Variants in DNAH17 observed in about 807,000 individuals in gnomAD.
The protein encoded by DNAH17 is axonemal beta dynein heavy chain 17.
DNAH17 carries 376 observed loss-of-function variants against 485.6 expected under a neutral mutation model. The observed-to-expected ratio is 0.77, with a 90% CI of 0.71 to 0.84. The LOEUF (loss-of-function observed/expected upper bound fraction) is 0.84. Ranked by LOEUF, DNAH17 falls within the 40% of genes least tolerant of loss-of-function variation. DNAH17 has a pLI of 0.00. For synonymous variants in DNAH17, 3,031 were observed against 2,405.9 expected (o/e 1.26, Z -7.60); for missense variants, 6,370 against 5,839.3 (o/e 1.09, Z -2.96).
chr17:78,451,624 G>A lies in DNAH17; in HGVS notation c.10579C>T (p.Leu3527=), dbSNP rs1353522129. The A allele has an allele frequency of 1.4e-5, 22 of 1,600,710 alleles. No individual in the cohort carries two copies. The highest frequency in any genetic ancestry group is 2.7e-5 in the African/African-American group (2 of 74,168). Reference sequence around the variant, plus strand: ...TTGAAGTACTTGGTGTGTAGGATCAGGCGGAACTTGGGGTGGTACTCCACC... The same window carrying A: ...TTGAAGTACTTGGTGTGTAGGATCAAGCGGAACTTGGGGTGGTACTCCACC... ...KEVEYHPKFR[L]ILHTKYFNPH... The change falls in exon 66 of 81, where the codon CTG becomes TTG. Residue 3527 remains leucine (L), a synonymous_variant. Coordinates refer to ENST00000389840, the MANE Select transcript of DNAH17 (RefSeq NM_173628.4).
intron 75 of DNAH17, among the ~76,000 whole-genome samples, chr17:78,430,656 C>T (rs1049058665): frequency 5.3e-5 from 8 of 152,008 alleles, no homozygotes; most frequent in Admixed American, 4.6e-4. Flanking sequence ...TCTCTGCTCA[C>T]TGAAACTTCT....
intron 16 of DNAH17, among the ~76,000 whole-genome samples, chr17:78,544,309 C>T (rs994635975): frequency 2.0e-5 from 3 of 152,226 alleles, no homozygotes; most frequent in African/African-American, 4.8e-5. Context: ...ATCTAATTCT[C>T]TCTTTAGGGG....
intron 58 of DNAH17, 41 bp from the exon 59 acceptor site, chr17:78,460,298 C>G (rs1010713945): frequency 3.5e-6 from 5 of 1,435,532 alleles, no homozygotes; most frequent in Non-Finnish European, 4.7e-6. Context: ...GCAGGCCTGT[C>G]CATGTGCCTG....
chr17:78,437,747 G>C lies in DNAH17; in HGVS notation c.11927C>G (p.Thr3976Ser). ...ISAEPAPSPE[T>S]HIIPQGILEN... ...CAGAATGCCCTGGGGGATGATGTGG[G>C]TCTCGGGGCTGGGGGCAGGCTCCGC... The change falls in exon 74 of 81, where the codon ACC becomes AGC. Residue 3976 changes from threonine (T) to serine (S), a missense_variant. By Grantham distance (58) the Thr-to-Ser change is moderately conservative. Transcript: ENST00000389840. 1.2e-6 allele frequency: 2 copies of C among 1,612,552 alleles called. No homozygotes were observed. Among genetic ancestry groups the C allele is most frequent in the Non-Finnish European group, 1.7e-6 (2 of 1,179,756 alleles).
At chr17:78,433,078 G>C (rs908611448) in intron 75 of DNAH17, among the ~76,000 whole-genome samples, 5 of 152,086 alleles carry the variant, frequency 3.3e-5, no homozygotes, top group Admixed American at 6.5e-5. Flanking sequence ...TGCTCTCTCT[G>C]AGCCAGGGTC....
intron 77 of DNAH17, chr17:78,428,253 G>A (rs2146414572): frequency 2.0e-6 from 1 of 499,474 alleles, no homozygotes; most frequent in South Asian, 2.0e-5. Context: ...CAGGGTGGAG[G>A]GCTGGGATGC....
At chr17:78,438,450 G>A (rs1249818556) in intron 73 of DNAH17, among the ~76,000 whole-genome samples, 5 of 106,156 alleles carry the variant, frequency 4.7e-5, no homozygotes, top group Admixed American at 1.9e-4. Flanking sequence ...GAGGAGGGAG[G>A]AGGGAGGAGG....
chr17:78,449,437 A>G lies in DNAH17; in HGVS notation c.11188T>C (p.Phe3730Leu). 1 of 1,551,150 alleles carries G rather than the reference A, an allele frequency of 6.4e-7. No homozygotes were observed. ...ACCTGAAACGTAACTTGTGCCAGGA[A>G]AATGAGTTTGTCCCTCTCGAAGAGT... ...RGLFERDKLI[F>L]LAQVTFQVLS... Residue 3730 changes from phenylalanine to leucine, a missense_variant, in exon 69 of 81, where the codon TTC becomes CTC. Transcript: ENST00000389840.
At chr17:78,432,805 C>T (rs1285788911) in intron 75 of DNAH17, among the ~76,000 whole-genome samples, 1 of 151,854 alleles carries the variant, frequency 6.6e-6, no homozygotes, top group African/African-American at 2.4e-5. Flanking sequence ...ATTGAACCCC[C>T]AGGCCCTGAG....
rs368080543 is a variant in DNAH17 at position 78,501,819 on chromosome 17, C to T, written c.5245G>A (p.Asp1749Asn). The T allele has an allele frequency of 7.4e-5, 119 of 1,613,878 alleles. No homozygotes were observed. Among genetic ancestry groups the T allele is most frequent in the Non-Finnish European group, 8.6e-5 (102 of 1,179,902 alleles). The change falls in exon 34 of 81, where the codon GAC becomes AAC. Residue 1749 changes from aspartate to asparagine, a missense_variant. By Grantham distance (23) the Asp-to-Asn change is conservative. Coordinates refer to ENST00000389840, the MANE Select transcript of DNAH17 (RefSeq NM_173628.4). Reference sequence around the variant, plus strand: ...CAGATGGTCATGATCTTCATCCTGTCGCCAGCGTTGAGGTTCCCCATGAGC... The same window carrying T: ...CAGATGGTCATGATCTTCATCCTGTTGCCAGCGTTGAGGTTCCCCATGAGC... ...TLLMGNLNAG[D>N]RMKIMTICTI...
Position 78,425,419 on chromosome 17 carries a change from C to T in DNAH17, c.13068G>A (p.Val4356=), listed in dbSNP as rs749680362. 1.9e-6 allele frequency: 3 copies of T among 1,614,014 alleles called. No homozygotes were observed. Among genetic ancestry groups the T allele is most frequent in the South Asian group, 1.1e-5 (1 of 91,076 alleles). ...PLDKMCLSVE[V]TKKNREDMTA... ...TCATGTCCTCTCGGTTTTTCTTGGT[C>T]ACCTCGACAGACAGACACATCTTGT... The change falls in exon 80 of 81, where the codon GTG becomes GTA. Residue 4356 remains valine (V), a synonymous_variant. Transcript: ENST00000389840.
intron 62 of DNAH17, among the ~76,000 whole-genome samples, chr17:78,457,451 G>A (rs928809141): frequency 6.6e-6 from 1 of 152,098 alleles, no homozygotes; most frequent in Admixed American, 6.6e-5. Flanking sequence ...ACAAGCACAG[G>A]AAATACCTCA....
Position 78,484,327 on chromosome 17 carries a change from G to A in DNAH17, c.7649+541C>T, listed in dbSNP as rs547538848. Among the ~76,000 whole-genome samples the A allele has an allele frequency of 1.8e-4, 28 of 151,934 alleles. No homozygotes were observed. In the South Asian group the frequency reaches 5.4e-3, roughly 29 times the overall value. On this transcript the variant is annotated intron_variant, in intron 48 of 80. Transcript: ENST00000389840. Reference sequence around the variant, plus strand: ...CCTGGGCTTCTTCACGTGTGGCAGGGCATTTACACGTGGCAATCTCTCCAC... The same window carrying A: ...CCTGGGCTTCTTCACGTGTGGCAGGACATTTACACGTGGCAATCTCTCCAC...
chr17:78,572,362 G>A (rs995843475), intron 3 of DNAH17, among the ~76,000 whole-genome samples: 6 of 152,154 alleles, frequency 3.9e-5, no homozygotes, highest in African/African-American at 1.2e-4. Context: ...TTAAAGCTGT[G>A]CCTCCTGTTT....
At chr17:78,475,224 C>G (rs2088959178) in intron 54 of DNAH17, 54 bp downstream of exon 54, 2 of 1,573,290 alleles carry the variant, frequency 1.3e-6, no homozygotes, top group Non-Finnish European at 8.6e-7. Flanking sequence ...TGAAGTTTTT[C>G]TTTACTCCCT....
chr17:78,523,584 G>A (rs2090989036), intron 25 of DNAH17, among the ~76,000 whole-genome samples: 1 of 152,198 alleles, frequency 6.6e-6, no homozygotes, highest in Non-Finnish European at 1.5e-5. Context: ...TGAATATGCA[G>A]TTCACCAAGG....
chr17:78,510,732 T>A, intron 26 of DNAH17: 1 of 499,110 alleles, frequency 2.0e-6, no homozygotes, highest in Non-Finnish European at 3.5e-6. Flanking sequence ...AGAACGCACC[T>A]GCACTGGGCG....
chr17:78,502,389 G>A, intron 33 of DNAH17: 1 of 484,944 alleles, frequency 2.1e-6, no homozygotes, highest in South Asian at 3.3e-5. Context: ...GAAGGTGTCT[G>A]TTACTCGTGG....
Position 78,552,810 on chromosome 17 carries a change from A to G in DNAH17, c.2179-5T>C, listed in dbSNP as rs2091933193. The G allele has an allele frequency of 6.3e-7, 1 of 1,594,210 alleles. No individual in the cohort carries two copies. The highest frequency in any genetic ancestry group is 8.6e-7 in the Non-Finnish European group (1 of 1,161,996). On this transcript the variant is annotated splice_polypyrimidine_tract_variant and splice_region_variant and intron_variant, in intron 14 of 80. Coordinates refer to ENST00000389840, the MANE Select transcript of DNAH17 (RefSeq NM_173628.4). ...TGCCTTCACTATAGTCTTTATCTGA[A>G]AAACAGAGGTGACAGGTTTTGTTCC...
Sources: gnomAD v4.1 joint callset for allele counts (sites outside exome capture counted in the v4.1 genomes callset) on GRCh38, gnomAD v4.1.1 for gene constraint, MANE v1.5 for transcripts, NCBI Gene and HGNC (gene_info 2026-07-23, HGNC 2026-07-21) for gene names.